Variants in PCDH11X observed in about 807,000 individuals in gnomAD.
PCDH11X encodes protocadherin 11 X-linked.
A neutral mutation model predicts 53.3 loss-of-function variants in PCDH11X; 18 were observed. That is an observed-to-expected ratio of 0.34 (90% CI 0.23 to 0.50). PCDH11X has a LOEUF of 0.50. PCDH11X is among the 20% of genes least tolerant of loss of function. The pLI is 0.98. For missense variants in PCDH11X, 570 were observed against 1,032.4 expected (o/e 0.55, Z 6.14); for synonymous variants, 279 against 393.3 (o/e 0.71, Z 3.44).
intron 8 of PCDH11X, among the ~76,000 whole-genome samples, chrX:92,358,883 A>G (rs5984937): frequency 0.021 from 2,254 of 109,941 alleles, 57 homozygotes; most frequent in African/African-American, 0.069. Context: ...ATTTCAGGCT[A>G]TATAATCTCA....
intron 6 of PCDH11X, among the ~76,000 whole-genome samples, chrX:92,034,424 C>T (rs911061964): frequency 5.5e-5 from 6 of 108,786 alleles, no homozygotes; most frequent in East Asian, 3.1e-4. Context: ...GGTGCTCCAG[C>T]GTTGGGTGAA....
intron 8 of PCDH11X, among the ~76,000 whole-genome samples, chrX:92,285,537 G>A (rs1461116889): frequency 1.8e-5 from 2 of 111,392 alleles, no homozygotes; most frequent in Non-Finnish European, 3.8e-5. Flanking sequence ...ACAGGTGTGA[G>A]CCACTGCACT....
intron 5 of PCDH11X, among the ~76,000 whole-genome samples, chrX:91,862,273 C>G (rs1215685242): frequency 5.5e-5 from 6 of 108,267 alleles, no homozygotes; most frequent in Non-Finnish European, 1.1e-4. Flanking sequence ...GCTTTGATCT[C>G]ACTACTAGTT....
chrX:92,248,763 T>C (rs1451822514), intron 7 of PCDH11X, among the ~76,000 whole-genome samples: 1 of 111,369 alleles, frequency 9.0e-6, no homozygotes, highest in Non-Finnish European at 1.9e-5. Flanking sequence ...CGATCTTGGC[T>C]CCGCCTCCTG....
At chrX:91,987,092 T>A (rs1483381679) in intron 6 of PCDH11X, among the ~76,000 whole-genome samples, 1 of 111,123 alleles carries the variant, frequency 9.0e-6, no homozygotes, top group Non-Finnish European at 1.9e-5. Context: ...TGATTTAACA[T>A]TGTCTTTTTT....
intron 10 of PCDH11X, among the ~76,000 whole-genome samples, chrX:92,538,465 C>A (rs1027208897): frequency 9.1e-6 from 1 of 110,342 alleles, no homozygotes; most frequent in African/African-American, 3.3e-5. Context: ...TTCTTTTACC[C>A]TTTTAGTGAA....
intron 4 of PCDH11X, among the ~76,000 whole-genome samples, chrX:91,814,653 T>A (rs1424846141): frequency 1.1e-5 from 1 of 92,637 alleles, no homozygotes; most frequent in African/African-American, 4.0e-5. Flanking sequence ...GCATTGCTCA[T>A]AATTGAGATC....
At position 91,877,236 on chromosome X, in the gene PCDH11X, T is replaced by C; in HGVS notation, c.996T>C (p.Gly332=). ...NHKLLVLASD[G]GLMPARAMVL... Reference sequence around the variant, plus strand: ...AGTTACTGGTTTTGGCAAGTGATGGTGGATTGATGCCAGCAAGAGCAATGG... The same window carrying C: ...AGTTACTGGTTTTGGCAAGTGATGGCGGATTGATGCCAGCAAGAGCAATGG... Residue 332 remains glycine, a synonymous_variant, in exon 6 of 11, where the codon GGT becomes GGC. Coordinates refer to ENST00000682573, the MANE Select transcript of PCDH11X (RefSeq NM_032968.5). The C allele has an allele frequency of 1.9e-6, 2 of 1,053,871 alleles. No individual in the cohort carries two copies. The highest frequency in any genetic ancestry group is 2.6e-6 in the Non-Finnish European group (2 of 775,420). The allele number at this position is 1,053,871 out of a possible 1,213,427, so 86.9% of individuals were successfully genotyped here.
In PCDH11X at chrX:91,789,248, G is replaced by T. The variant is rs1265975746; in HGVS notation, c.-379+9564G>T. Among the ~76,000 whole-genome samples, 10 of 89,614 alleles carry T rather than the reference G, an allele frequency of 1.1e-4. No individual in the cohort carries two copies. In the South Asian group the frequency reaches 5.3e-3, roughly 47 times the overall value. The allele number at this position is 89,614 out of a possible 115,157, so 77.8% of individuals were successfully genotyped here. A position where few individuals can be genotyped will look rare whatever the true frequency, so the allele number is the denominator to read the frequency against. On this transcript the variant is annotated intron_variant, in intron 1 of 10. Transcript: ENST00000682573. ...AGAAAAGAAAAAGAAAAAGAAAAAA[G>T]AATACCTTAATTGTTATTTGATGGT...
chrX:91,852,285 G>A (rs1399677475), intron 5 of PCDH11X, among the ~76,000 whole-genome samples: 2 of 110,464 alleles, frequency 1.8e-5, no homozygotes, highest in African/African-American at 3.3e-5. Context: ...AAAGTGCTGG[G>A]ATTACAGGCA....
At chrX:91,944,319 C>T (rs1344821616) in intron 6 of PCDH11X, among the ~76,000 whole-genome samples, 44 of 100,888 alleles carry the variant, frequency 4.4e-4, no homozygotes, top group Middle Eastern at 5.0e-3. Flanking sequence ...TGCCTATACT[C>T]CAGAAAAAAA....
intron 7 of PCDH11X, among the ~76,000 whole-genome samples, chrX:92,254,091 G>A (rs958425674): frequency 4.7e-4 from 52 of 111,551 alleles, no homozygotes; most frequent in African/African-American, 1.7e-3. Flanking sequence ...ATTATGTTGA[G>A]GTATGTTCCT....
At chrX:92,095,188 G>A (rs1229630013) in intron 6 of PCDH11X, among the ~76,000 whole-genome samples, 2 of 110,618 alleles carry the variant, frequency 1.8e-5, no homozygotes, top group Non-Finnish European at 3.8e-5. Context: ...CAAAGCTAAT[G>A]CATTTACTCT....
rs771823629 is a variant in PCDH11X at position 92,111,219 on chromosome X, T to TAAAAAAAAAAAAAAAAAAAAAAAAAA, written c.3034-90149_3034-90124dup. 2.5e-4 allele frequency among the ~76,000 whole-genome samples: 5 copies of TAAAAAAAAAAAAAAAAAAAAAAAAAA among 19,815 alleles called. 1 individual carries two copies. Among genetic ancestry groups the TAAAAAAAAAAAAAAAAAAAAAAAAAA allele is most frequent in the African/African-American group, 3.1e-4 (2 of 6,525 alleles). 17.2% of individuals were successfully genotyped at this position (19,815 alleles called of 115,157 possible). A position where few individuals can be genotyped will look rare whatever the true frequency, so the allele number is the denominator to read the frequency against. ...GAGCTGGATTTGAATCACCTAACGC[T>TAAAAAAAAAAAAAAAAAAAAAAAAAA]AAAAAAAAAAAAAAAAAAAAAAAAA... On this transcript the variant is annotated intron_variant, in intron 6 of 10. Transcript: ENST00000682573.
intron 10 of PCDH11X, among the ~76,000 whole-genome samples, chrX:92,513,374 A>C (rs1406728759): frequency 9.2e-6 from 1 of 108,420 alleles, no homozygotes; most frequent in Non-Finnish European, 1.9e-5. Context: ...ACTAGCAAAA[A>C]TAATGAAGAA....
chrX:92,025,937 A>T (rs964019688), intron 6 of PCDH11X, among the ~76,000 whole-genome samples: 4 of 110,068 alleles, frequency 3.6e-5, no homozygotes, highest in Non-Finnish European at 1.9e-5. Context: ...TTAGCAAACT[A>T]ATACAGGAAC....
At chrX:92,110,987 G>T in intron 6 of PCDH11X, among the ~76,000 whole-genome samples, 1 of 108,517 alleles carries the variant, frequency 9.2e-6, no homozygotes, top group Non-Finnish European at 1.9e-5. Context: ...ATATGTAAAT[G>T]CAGTCAACAT....
intron 6 of PCDH11X, among the ~76,000 whole-genome samples, chrX:91,888,980 G>A (rs1481470192): frequency 1.8e-5 from 2 of 111,955 alleles, no homozygotes; most frequent in Non-Finnish European, 3.8e-5. Flanking sequence ...ATAAACAACT[G>A]TTACGTTATC....
At chrX:91,893,324 A>T (rs374569043) in intron 6 of PCDH11X, among the ~76,000 whole-genome samples, 10 of 107,908 alleles carry the variant, frequency 9.3e-5, no homozygotes, top group African/African-American at 3.4e-4. Flanking sequence ...TATAGTCCAT[A>T]TACAAAGGGG....
Sources: allele counts gnomAD v4.1 joint callset (sites outside exome capture counted in the v4.1 genomes callset), GRCh38; gene constraint gnomAD v4.1.1; transcripts MANE v1.5; gene names NCBI Gene and HGNC (gene_info 2026-07-23, HGNC 2026-07-21).